Variants in CTNNA1 observed in about 807,000 individuals in gnomAD.
CTNNA1 encodes the protein catenin alpha-1.
Under a neutral mutation model 98.4 loss-of-function variants are expected in CTNNA1, and 37 were observed. That is an observed-to-expected ratio of 0.38 (90% CI 0.29 to 0.49). The LOEUF (loss-of-function observed/expected upper bound fraction) is 0.49, where lower values mean the gene tolerates loss of function less well. Ranked by LOEUF, CTNNA1 falls within the 20% of genes least tolerant of loss-of-function variation. The pLI is 0.95. For missense variants in CTNNA1, 761 were observed against 1,147.2 expected (o/e 0.66, Z 4.86); for synonymous variants, 404 against 413.2 (o/e 0.98, Z 0.27).
intron 1 of CTNNA1, among the ~76,000 whole-genome samples, chr5:138,776,716 CA>C (rs1754259500): frequency 6.7e-6 from 1 of 149,874 alleles, no homozygotes; most frequent in Non-Finnish European, 1.5e-5. Flanking sequence ...GCTGGCCGGG[CA>C]GAGGGGCTCC....
chr5:138,770,312 C>G (rs1296483415), intron 1 of CTNNA1, among the ~76,000 whole-genome samples: 2 of 152,128 alleles, frequency 1.3e-5, no homozygotes, highest in African/African-American at 4.8e-5. Flanking sequence ...CAGGGACTTC[C>G]TCTGTATCCA....
chr5:138,818,258 C>G (rs573863531), intron 5 of CTNNA1, among the ~76,000 whole-genome samples: 567 of 139,640 alleles, frequency 4.1e-3, no homozygotes, highest in Admixed American at 6.3e-3. Flanking sequence ...ACAGGCATGC[C>G]ATATCCAGCT....
chr5:138,872,812 G>T, intron 7 of CTNNA1: 1 of 469,124 alleles, frequency 2.1e-6, no homozygotes, highest in Non-Finnish European at 3.7e-6. Flanking sequence ...AAATTAATGT[G>T]AGCATTGATT....
chr5:138,875,800 A>G, intron 7 of CTNNA1: 4 of 864,666 alleles, frequency 4.6e-6, no homozygotes, highest in Non-Finnish European at 5.6e-6. Flanking sequence ...ATGCTTGGTT[A>G]AAATCAAAGT....
At chr5:138,823,683 C>T (rs1486561950) in intron 5 of CTNNA1, among the ~76,000 whole-genome samples, 2 of 152,170 alleles carry the variant, frequency 1.3e-5, no homozygotes, top group Admixed American at 6.5e-5. Context: ...CTTGGCTGGG[C>T]GCGGTGGCTC....
chr5:138,931,644 A>T, intron 16 of CTNNA1: 1 of 985,376 alleles, frequency 1.0e-6, no homozygotes, highest in Non-Finnish European at 1.2e-6. Flanking sequence ...CTTTCTGCAG[A>T]TCTCCATAGC....
intron 2 of CTNNA1, 72 bp downstream of exon 2, chr5:138,782,101 C>A: frequency 7.0e-7 from 1 of 1,430,916 alleles, no homozygotes; most frequent in Non-Finnish European, 9.6e-7. Flanking sequence ...ACCATAAGAG[C>A]AAGGTTATTT....
At chr5:138,927,596 T>C (rs760880927) in intron 13 of CTNNA1, among the ~76,000 whole-genome samples, 28 of 152,186 alleles carry the variant, frequency 1.8e-4, no homozygotes, top group Non-Finnish European at 3.5e-4. Context: ...TGATGTGTCA[T>C]ATAATTCATT....
At chr5:138,804,817 A>T (rs182783040) in intron 3 of CTNNA1, among the ~76,000 whole-genome samples, 3 of 152,126 alleles carry the variant, frequency 2.0e-5, no homozygotes, top group Admixed American at 6.5e-5. Flanking sequence ...TTGGCCATTT[A>T]AAAAAAAGGT....
At chr5:138,802,440 C>T (rs773505627) in intron 3 of CTNNA1, among the ~76,000 whole-genome samples, 20 of 152,096 alleles carry the variant, frequency 1.3e-4, no homozygotes, top group East Asian at 3.9e-4. Context: ...TCCCAAAGTG[C>T]AGGGATTACA....
chr5:138,854,463 C>T (rs1763541722), intron 7 of CTNNA1, among the ~76,000 whole-genome samples: 1 of 152,212 alleles, frequency 6.6e-6, no homozygotes, highest in East Asian at 1.9e-4. Flanking sequence ...TCTGTACACA[C>T]ACTCTCTTAC....
intron 7 of CTNNA1, among the ~76,000 whole-genome samples, chr5:138,876,660 G>A (rs993066984): frequency 6.6e-6 from 1 of 152,214 alleles, no homozygotes; most frequent in East Asian, 1.9e-4. Context: ...ACTACTGATG[G>A]TGTCTGTGAA....
At chr5:138,784,199 C>T (rs1425908766) in intron 3 of CTNNA1, among the ~76,000 whole-genome samples, 1 of 152,168 alleles carries the variant, frequency 6.6e-6, no homozygotes, top group Non-Finnish European at 1.5e-5. Flanking sequence ...CCACAGTGCC[C>T]GGCCTTGAAA....
chr5:138,789,297 A>ATT (rs994128107), intron 3 of CTNNA1, among the ~76,000 whole-genome samples: 4 of 152,138 alleles, frequency 2.6e-5, no homozygotes, highest in African/African-American at 9.7e-5. Context: ...AACTAAAGGT[A>ATT]TTTGAGCTTG....
chr5:138,797,347 T>C (rs1489951483), intron 3 of CTNNA1, among the ~76,000 whole-genome samples: 2 of 152,204 alleles, frequency 1.3e-5, no homozygotes, highest in Non-Finnish European at 2.9e-5. Context: ...ATGTGTTGGT[T>C]GTAGTGTTTA....
chr5:138,814,055 A>G (rs933022089), intron 5 of CTNNA1, among the ~76,000 whole-genome samples: 1 of 152,228 alleles, frequency 6.6e-6, no homozygotes, highest in Admixed American at 6.5e-5. Context: ...ACAGTGTTTA[A>G]TATAGTGCCA....
chr5:138,810,781 GC>G (rs1455840920), intron 4 of CTNNA1, among the ~76,000 whole-genome samples: 1 of 152,140 alleles, frequency 6.6e-6, no homozygotes, highest in Non-Finnish European at 1.5e-5. Context: ...TGTCATCATG[GC>G]CCGTTCTCAA....
intron 9 of CTNNA1, among the ~76,000 whole-genome samples, chr5:138,891,751 G>A (rs1038476558): frequency 3.3e-5 from 5 of 151,952 alleles, no homozygotes; most frequent in African/African-American, 7.2e-5. Flanking sequence ...AGAGCGAGAC[G>A]CCGTCTCAAA....
At chr5:138,790,235 T>A (rs937374029) in intron 3 of CTNNA1, among the ~76,000 whole-genome samples, 1 of 152,214 alleles carries the variant, frequency 6.6e-6, no homozygotes, top group African/African-American at 2.4e-5. Flanking sequence ...CCTGTGCAAG[T>A]AGCTGATCTT....
Sources: allele counts gnomAD v4.1 joint callset (sites outside exome capture counted in the v4.1 genomes callset), GRCh38; gene constraint gnomAD v4.1.1; transcripts MANE v1.5; gene names NCBI Gene and HGNC (gene_info 2026-07-23, HGNC 2026-07-21).